Variants in FLCN observed in about 807,000 individuals in gnomAD.
The protein encoded by FLCN is BHD skin lesion fibrofolliculoma protein.
In FLCN, 22 loss-of-function variants were observed where a neutral mutation model predicts 62.5. That is an observed-to-expected ratio of 0.35 (90% CI 0.25 to 0.50). The LOEUF (loss-of-function observed/expected upper bound fraction) is 0.50. Among genes scored for constraint, FLCN ranks in the 20% least tolerant of loss-of-function variants. FLCN has a pLI of 0.97. For missense variants in FLCN, 657 were observed against 778.0 expected (o/e 0.84, Z 1.85); for synonymous variants, 319 against 310.0 (o/e 1.03, Z -0.30).
chr17:17,228,410 G>A, intron 3 of FLCN: 1 of 486,660 alleles, frequency 2.1e-6, no homozygotes, highest in Non-Finnish European at 3.7e-6. Flanking sequence ...AGCACAGCTG[G>A]AGCTGTGACA....
intron 13 of FLCN, among the ~76,000 whole-genome samples, chr17:17,214,362 A>G (rs2046842762): frequency 6.6e-6 from 1 of 151,822 alleles, no homozygotes; most frequent in South Asian, 2.1e-4. Context: ...TTGGGAGGCC[A>G]AGGTGGGCGG....
Position 17,213,637 on chromosome 17 carries a change from G to A in FLCN, c.*18C>T, listed in dbSNP as rs370269600. 21 of 1,613,862 alleles carry A rather than the reference G, an allele frequency of 1.3e-5. No homozygotes were observed. The highest frequency in any genetic ancestry group is 1.7e-5 in the Admixed American group (1 of 59,996). On this transcript the variant is annotated 3_prime_UTR_variant, in exon 14 of 14. Coordinates refer to ENST00000285071, the MANE Select transcript of FLCN (RefSeq NM_144997.7). ...TGTGGACAGCCATCCCTGTCTTTAGGCAGGTGTGTGTGACGGGTCAGTTCC... is the reference window on the plus strand; with the variant it reads ...TGTGGACAGCCATCCCTGTCTTTAGACAGGTGTGTGTGACGGGTCAGTTCC...
intron 8 of FLCN, chr17:17,221,170 C>G: frequency 6.8e-6 from 10 of 1,461,370 alleles, no homozygotes; most frequent in Non-Finnish European, 9.0e-6. Flanking sequence ...TTGGGACGAA[C>G]TGAAACAGAA....
In FLCN at chr17:17,212,247, G is replaced by A. The variant is rs1382927221; in HGVS notation, c.*1408C>T. The stretch of plus-strand genomic sequence containing the variant: ...TACATCTTTATTGTGTTCCAATGTT[G>A]TTGCATTATACAGATACCTAGTTAT... On this transcript the variant is annotated 3_prime_UTR_variant, in exon 14 of 14. Coordinates refer to ENST00000285071, the MANE Select transcript of FLCN (RefSeq NM_144997.7). 6 of 170,444 alleles carry A rather than the reference G, an allele frequency of 3.5e-5. No individual in the cohort carries two copies. Among genetic ancestry groups the A allele is most frequent in the African/African-American group, 1.4e-4 (6 of 41,974 alleles). 10.6% of individuals were successfully genotyped at this position (170,444 alleles called of 1,614,324 possible). A position where few individuals can be genotyped will look rare whatever the true frequency, so the allele number is the denominator to read the frequency against.
chr17:17,228,512 T>C (rs760682564), intron 3 of FLCN: 5 of 299,166 alleles, frequency 1.7e-5, no homozygotes, highest in South Asian at 7.6e-5. Flanking sequence ...TGAGAACAAA[T>C]AGATAAAAGG....
intron 6 of FLCN, among the ~76,000 whole-genome samples, chr17:17,223,391 C>T (rs1255377471): frequency 6.6e-6 from 1 of 151,782 alleles, no homozygotes; most frequent in African/African-American, 2.4e-5. Context: ...CTGCGCCCAG[C>T]CTAGGGGAAG....
At chr17:17,234,026 T>G (rs2047503918) in intron 1 of FLCN, among the ~76,000 whole-genome samples, 1 of 150,906 alleles carries the variant, frequency 6.6e-6, no homozygotes, top group East Asian at 2.0e-4. Context: ...TCCAGCCAAG[T>G]CCCCATCTTT....
At chr17:17,236,493 A>G (rs2047585084) in intron 1 of FLCN, among the ~76,000 whole-genome samples, 1 of 152,158 alleles carries the variant, frequency 6.6e-6, no homozygotes, top group South Asian at 2.1e-4. Context: ...TTCAATCCAC[A>G]AGCCAATCCA....
chr17:17,230,470 CA>C (rs1567828567), intron 3 of FLCN, among the ~76,000 whole-genome samples: 1 of 151,532 alleles, frequency 6.6e-6, no homozygotes, highest in Non-Finnish European at 1.5e-5. Flanking sequence ...GGCAAGGTTG[CA>C]GTGAGCCGAG....
chr17:17,222,619 T>C lies in FLCN; in HGVS notation c.661A>G (p.Arg221Gly). ...EQFGCPQRAQ[R>G]MNTAFTPFLH... ...AATGGCGTGAAGGCTGTGTTCATCC[T>C]CTGAGCACGCTGTGGGCATCCAAAC... The change falls in exon 7 of 14, where the codon AGG (arginine) becomes GGG (glycine). Residue 221 changes from arginine to glycine, a missense_variant. Physicochemically the swap from Arg to Gly is moderately radical, Grantham distance 125. Coordinates refer to ENST00000285071, the MANE Select transcript of FLCN (RefSeq NM_144997.7). 1 of 1,614,210 alleles carries C rather than the reference T, an allele frequency of 6.2e-7. No homozygotes were observed. The highest frequency in any genetic ancestry group is 8.5e-7 in the Non-Finnish European group (1 of 1,180,044).
intron 8 of FLCN, chr17:17,221,271 C>T (rs1005817051): frequency 3.6e-5 from 55 of 1,545,894 alleles, no homozygotes; most frequent in Non-Finnish European, 4.4e-5. Context: ...TCAGCCAGTT[C>T]TCTCTACAGA....
In FLCN at chr17:17,221,570, C is replaced by T. The variant is rs1060502367; in HGVS notation, c.838G>A (p.Glu280Lys). 3.1e-6 allele frequency: 5 copies of T among 1,612,050 alleles called. No homozygotes were observed. Among genetic ancestry groups the T allele is most frequent in the South Asian group, 1.1e-5 (1 of 91,070 alleles). ...TTCTCCATCTGGACCAAGGTATCCT[C>T]GGTCGGAGCACCTTCCAGGAGCTTC... Reference protein sequence around the residue: ...TEKLLEGAPTEDTLVQMEKLA... With the variant: ...TEKLLEGAPTKDTLVQMEKLA... The change falls in exon 8 of 14, where the codon GAG becomes AAG. Residue 280 changes from glutamate to lysine, a missense_variant. Physicochemically the swap from Glu to Lys is moderately conservative, Grantham distance 56. Coordinates refer to ENST00000285071, the MANE Select transcript of FLCN (RefSeq NM_144997.7).
chr17:17,223,839 G>A, intron 6 of FLCN, 83 bp downstream of exon 6: 1 of 1,410,740 alleles, frequency 7.1e-7, no homozygotes, highest in Non-Finnish European at 1.0e-6. Flanking sequence ...ACGCCACGCG[G>A]TCTCCAGGCC....
chr17:17,235,990 G>A (rs1021554251), intron 1 of FLCN: 1 of 152,172 alleles, frequency 6.6e-6, no homozygotes, highest in Non-Finnish European at 1.5e-5. Context: ...ACCACCACCC[G>A]TGGTGCGCCC....
chr17:17,217,218 G>A (rs371622092), intron 9 of FLCN, 36 bp from the exon 10 acceptor site: 22 of 1,400,262 alleles, frequency 1.6e-5, no homozygotes, highest in African/African-American at 5.7e-5. Flanking sequence ...AGCGTGACTA[G>A]TAGAAATGGT....
Position 17,216,279 on chromosome 17 carries a change from T to C in FLCN, c.1300+101A>G. 1 of 1,539,690 alleles carries C rather than the reference T, an allele frequency of 6.5e-7. No homozygotes were observed. Among genetic ancestry groups the C allele is most frequent in the Non-Finnish European group, 8.8e-7 (1 of 1,134,986 alleles). ...GGGAAGCTGGCCCTGCAATGAGGCC[T>C]CCTCTCCACAACCCATGACAGAGAT... is the stretch of plus-strand genomic sequence containing the variant. On this transcript the variant is annotated intron_variant, in intron 11 of 13. Transcript: ENST00000285071. The surrounding 1 kb of genome is among the most constrained non-coding windows in gnomAD (Gnocchi z 4.0).
Position 17,231,872 on chromosome 17 carries a change from G to A in FLCN, c.-103C>T, listed in dbSNP as rs985134556. The A allele has an allele frequency of 6.6e-6, 1 of 152,542 alleles. No homozygotes were observed. Among genetic ancestry groups the A allele is most frequent in the African/African-American group, 2.4e-5 (1 of 41,462 alleles). 9.4% of individuals were successfully genotyped at this position (152,542 alleles called of 1,614,324 possible). On this transcript the variant is annotated 5_prime_UTR_variant, in exon 3 of 14. Transcript: ENST00000285071. ...CTCCTGCTGAGATACGGCTGAGCAC[G>A]AGTGGTCACACTGGGAATGGCAGAG... is the stretch of plus-strand genomic sequence containing the variant.
Position 17,219,193 on chromosome 17 carries a change from T to C in FLCN, c.888A>G (p.Ser296=), listed in dbSNP as rs774591810. 1 of 1,614,106 alleles carries C rather than the reference T, an allele frequency of 6.2e-7. No homozygotes were observed. The highest frequency in any genetic ancestry group is 1.7e-5 in the Admixed American group (1 of 60,026). ...MEKLADLEEE[S]ESWDNSEAEE... ...CAGCCTCAGAGTTGTCCCAGCTTTC[T>C]GATTCCTCTTCTAAATCTGCAAGAC... The change falls in exon 9 of 14, where the codon TCA becomes TCG. Residue 296 remains serine, a synonymous_variant. Coordinates refer to ENST00000285071, the MANE Select transcript of FLCN (RefSeq NM_144997.7).
intron 13 of FLCN, among the ~76,000 whole-genome samples, chr17:17,214,439 C>G (rs988176822): frequency 4.0e-5 from 6 of 151,784 alleles, no homozygotes; most frequent in African/African-American, 1.2e-4. Context: ...ACTAAAAATA[C>G]AAATATTAGC....
Sources: allele counts gnomAD v4.1 joint callset (sites outside exome capture counted in the v4.1 genomes callset), GRCh38; gene constraint gnomAD v4.1.1; non-coding constraint Gnocchi (gnomAD v3.1); transcripts MANE v1.5; gene names NCBI Gene and HGNC (gene_info 2026-07-23, HGNC 2026-07-21).